USH2A: variants seen among roughly 807,000 people sequenced by gnomAD.
The protein encoded by USH2A is Usher syndrome 2A (autosomal recessive, mild).
A neutral mutation model predicts 538.9 loss-of-function variants in USH2A; 443 were observed. The ratio of observed to expected loss-of-function variants is 0.82; its 90% CI spans 0.76 to 0.89. The LOEUF (loss-of-function observed/expected upper bound fraction) is 0.89, where lower values mean the gene tolerates loss of function less well. Ranked by LOEUF, USH2A falls within the 40% of genes least tolerant of loss-of-function variation. The pLI is 0.00. For synonymous variants in USH2A, 2,413 were observed against 2,273.5 expected (o/e 1.06, Z -1.75); for missense variants, 6,633 against 6,324.8 (o/e 1.05, Z -1.65).
At chr1:215,763,431 C>T (rs1160625786) in intron 56 of USH2A, among the ~76,000 whole-genome samples, 1 of 151,908 alleles carries the variant, frequency 6.6e-6, no homozygotes, top group Non-Finnish European at 1.5e-5. Flanking sequence ...AAAAGGTGAG[C>T]GTTAACTGAG....
chr1:216,081,332 A>G (rs146906784), intron 26 of USH2A, among the ~76,000 whole-genome samples: 3 of 152,308 alleles, frequency 2.0e-5, no homozygotes, highest in African/African-American at 4.8e-5. Context: ...ATATGAGGTT[A>G]TATTTTGAGA....
Position 216,157,389 on chromosome 1 carries a change from G to C in USH2A, c.4627+17863C>G, listed in dbSNP as rs377685822. On this transcript the variant is annotated intron_variant, in intron 21 of 71. Transcript: ENST00000307340. ...GCACGATTGGTGGAAATGTAAATTA[G>C]TTCAGCCACTGTGGAAAGCAGTCTG... Among the ~76,000 whole-genome samples the C allele has an allele frequency of 6.7e-4, 102 of 152,328 alleles. 1 individual carries two copies. In the South Asian group the frequency reaches 0.02, roughly 30 times the overall value.
intron 58 of USH2A, among the ~76,000 whole-genome samples, chr1:215,747,890 G>GT (rs1553258116): frequency 0.16 from 14,283 of 91,138 alleles, 931 homozygotes; most frequent in Non-Finnish European, 0.2. Context: ...TTGTTTGTTT[G>GT]GTTTTTTTTT....
chr1:216,053,360 G>C (rs1246700953), intron 30 of USH2A, among the ~76,000 whole-genome samples: 1 of 151,990 alleles, frequency 6.6e-6, no homozygotes, highest in Admixed American at 6.5e-5. Flanking sequence ...GTGACACTTG[G>C]GGTTTTTATA....
At chr1:216,095,378 AAAT>A (rs1369654277) in intron 22 of USH2A, among the ~76,000 whole-genome samples, 1 of 152,186 alleles carries the variant, frequency 6.6e-6, no homozygotes, top group East Asian at 1.9e-4. Flanking sequence ...TTCAAATAAA[AAAT>A]AATATCTTCC....
chr1:216,232,741 T>A (rs149372632), intron 13 of USH2A, among the ~76,000 whole-genome samples: 2 of 152,136 alleles, frequency 1.3e-5, no homozygotes, highest in African/African-American at 4.8e-5. Flanking sequence ...CCACTCTTCA[T>A]CCCCGCTACG....
intron 61 of USH2A, among the ~76,000 whole-genome samples, chr1:215,696,180 A>T (rs981984865): frequency 1.3e-5 from 2 of 152,194 alleles, no homozygotes; most frequent in African/African-American, 4.8e-5. Flanking sequence ...GCATTCTTAC[A>T]ATAAAGCAAG....
At chr1:215,958,447 TTTC>T (rs1667122720) in intron 37 of USH2A, among the ~76,000 whole-genome samples, 1 of 152,154 alleles carries the variant, frequency 6.6e-6, no homozygotes, top group Admixed American at 6.6e-5. Context: ...ACTTTCTGCA[TTTC>T]TGCAGTTTCC....
intron 56 of USH2A, among the ~76,000 whole-genome samples, chr1:215,760,745 A>C (rs1660956841): frequency 6.6e-6 from 1 of 152,186 alleles, no homozygotes; most frequent in Non-Finnish European, 1.5e-5. Flanking sequence ...ATCTAACATA[A>C]AGCCCAGAAG....
chr1:216,321,768 C>A, intron 9 of USH2A, 115 bp downstream of exon 9: 7 of 915,456 alleles, frequency 7.6e-6, no homozygotes, highest in Non-Finnish European at 1.2e-5. Flanking sequence ...ATTTTAAGTT[C>A]ATATCAGTTT....
chr1:216,342,922 C>T lies in USH2A; in HGVS notation c.785-15268G>A, dbSNP rs551766348. 5.9e-5 allele frequency among the ~76,000 whole-genome samples: 9 copies of T among 152,130 alleles called. No individual in the cohort carries two copies. The South Asian group carries it at 1.9e-3, about 32-fold the overall frequency. On this transcript the variant is annotated intron_variant, in intron 4 of 71. Transcript: ENST00000307340. Reference sequence around the variant, plus strand: ...CTAGATGACAGGTTGATAGGTGCAGCAAATCACCATGGCACGCATATACCT... The same window carrying T: ...CTAGATGACAGGTTGATAGGTGCAGTAAATCACCATGGCACGCATATACCT...
rs145591594 is a variant in USH2A, at chr1:216,149,691, C to T, written c.4627+25561G>A. 5.0e-3 allele frequency among the ~76,000 whole-genome samples: 764 copies of T among 152,234 alleles called. 8 individuals carry two copies. Among genetic ancestry groups the T allele is most frequent in the African/African-American group, 0.017 (709 of 41,520 alleles). ...GCTCTAGCAGGCTAGACAGGAAATT[C>T]GCCAGGCTGCTAATCTTCTCTTGCC... is the stretch of plus-strand genomic sequence containing the variant. On this transcript the variant is annotated intron_variant, in intron 21 of 71. Transcript: ENST00000307340.
intron 51 of USH2A, among the ~76,000 whole-genome samples, chr1:215,789,824 T>C (rs551389050): frequency 1.2e-4 from 19 of 152,282 alleles, no homozygotes; most frequent in African/African-American, 4.6e-4. Flanking sequence ...CCTGCACTAA[T>C]CTGAAGTGCT....
chr1:216,193,647 C>T (rs2034768802), intron 19 of USH2A, among the ~76,000 whole-genome samples: 1 of 151,992 alleles, frequency 6.6e-6, no homozygotes, highest in Admixed American at 6.6e-5. Context: ...ATGAGACGGA[C>T]ACACAGACCC....
intron 14 of USH2A, among the ~76,000 whole-genome samples, chr1:216,228,678 T>G (rs2102515042): frequency 6.6e-6 from 1 of 152,272 alleles, no homozygotes. Flanking sequence ...TCCCGTAAAC[T>G]TCTTTCTTTT....
At chr1:215,811,194 C>G (rs1337408962) in intron 49 of USH2A, among the ~76,000 whole-genome samples, 1 of 152,190 alleles carries the variant, frequency 6.6e-6, no homozygotes, top group Non-Finnish European at 1.5e-5. Flanking sequence ...CTTCGAAACA[C>G]TGATGATAGT....
At chr1:215,843,147 G>A (rs1663731951) in intron 46 of USH2A, among the ~76,000 whole-genome samples, 1 of 152,150 alleles carries the variant, frequency 6.6e-6, no homozygotes, top group Admixed American at 6.6e-5. Flanking sequence ...TCAGGAAAAG[G>A]AGATGGAAAC....
intron 4 of USH2A, among the ~76,000 whole-genome samples, chr1:216,355,311 G>GAAAGAAAGAAAGAAAGAAAGAA (rs1558051742): frequency 1.6e-4 from 4 of 25,152 alleles, no homozygotes; most frequent in African/African-American, 3.1e-4. Flanking sequence ...GCTTCAAAAA[G>GAAAGAAAGAAAGAAAGAAAGAA]AAAGAAAGAA....
intron 4 of USH2A, among the ~76,000 whole-genome samples, chr1:216,330,364 G>C (rs984497426): frequency 5.3e-5 from 8 of 152,092 alleles, no homozygotes; most frequent in African/African-American, 1.2e-4. Flanking sequence ...AGGTTGGAGA[G>C]CATGGCTAGA....
Sources: gnomAD v4.1 joint callset for allele counts (sites outside exome capture counted in the v4.1 genomes callset) on GRCh38, gnomAD v4.1.1 for gene constraint, MANE v1.5 for transcripts, NCBI Gene and HGNC (gene_info 2026-07-23, HGNC 2026-07-21) for gene names.